The following TEAD2 variants were observed in gnomAD, a reference collection of about 807,000 sequenced individuals.
TEAD2 encodes the protein transcriptional enhancer factor TEF-4.
In TEAD2, 51 loss-of-function variants were observed where a neutral mutation model predicts 61.4. The observed-to-expected ratio is 0.83, with a 90% CI of 0.66 to 1.05. TEAD2 has a LOEUF of 1.05. Among genes scored for constraint, TEAD2 ranks in the 50% least tolerant of loss-of-function variants. The probability of loss-of-function intolerance (pLI) is 0.00; values close to 1 mark genes in which losing one functional copy is unlikely to be tolerated. For synonymous variants in TEAD2, 244 were observed against 243.2 expected (o/e 1.00, Z -0.03); for missense variants, 509 against 600.0 (o/e 0.85, Z 1.58).
intron 5 of TEAD2, 34 bp downstream of exon 5, chr19:49,355,925 G>C: frequency 3.9e-6 from 5 of 1,268,802 alleles, no homozygotes; most frequent in Non-Finnish European, 5.0e-6. Flanking sequence ...AGTTTGGAGT[G>C]AGCGTGGGTG....
At chr19:49,344,330 C>T (rs972906275) in intron 10 of TEAD2, among the ~76,000 whole-genome samples, 6 of 151,520 alleles carry the variant, frequency 4.0e-5, no homozygotes, top group African/African-American at 1.5e-4. Flanking sequence ...TCTTGTTGCC[C>T]AGTGCAATGC....
At chr19:49,345,724 C>G (rs1007279952) in intron 10 of TEAD2, among the ~76,000 whole-genome samples, 1 of 152,134 alleles carries the variant, frequency 6.6e-6, no homozygotes, top group Non-Finnish European at 1.5e-5. Flanking sequence ...CCCTAAACAT[C>G]CAGGCAACAT....
At chr19:49,360,517 T>C (rs1972771789) in intron 1 of TEAD2, 1 of 185,260 alleles carries the variant, frequency 5.4e-6, no homozygotes. Context: ...GAAGTCACAA[T>C]GATTACCCTA....
intron 10 of TEAD2, among the ~76,000 whole-genome samples, chr19:49,343,608 G>A (rs1433651389): frequency 6.6e-6 from 1 of 152,036 alleles, no homozygotes; most frequent in African/African-American, 2.4e-5. Context: ...GCGTGGTGGT[G>A]CATGCTTGTA....
intron 7 of TEAD2, 127 bp downstream of exon 7, chr19:49,355,021 G>GCATA (rs113350132): frequency 0.024 from 15,045 of 630,382 alleles, 1,237 homozygotes; most frequent in African/African-American, 0.21. Flanking sequence ...ATACATACAT[G>GCATA]CATACATACA....
At chr19:49,347,131 G>A in intron 10 of TEAD2, 59 bp downstream of exon 10, 1 of 1,590,562 alleles carries the variant, frequency 6.3e-7, no homozygotes, top group Non-Finnish European at 8.6e-7. Flanking sequence ...AGGGCCAGAG[G>A]CCTTTGCTGG....
chr19:49,349,462 CAA>C (rs754141778), intron 8 of TEAD2, among the ~76,000 whole-genome samples: 19 of 97,390 alleles, frequency 2.0e-4, no homozygotes, highest in Non-Finnish European at 1.5e-4. Context: ...GACTCTGTCT[CAA>C]AAAAAAAAAA....
intron 7 of TEAD2, 41 bp downstream of exon 7, chr19:49,355,107 G>A (rs775609539): frequency 1.9e-6 from 3 of 1,553,348 alleles, no homozygotes; most frequent in Non-Finnish European, 2.6e-6. Context: ...GGGAGTGTGA[G>A]GGTGGGGGGC....
intron 10 of TEAD2, among the ~76,000 whole-genome samples, chr19:49,346,786 C>T (rs979823533): frequency 1.3e-5 from 2 of 152,216 alleles, no homozygotes; most frequent in African/African-American, 2.4e-5. Flanking sequence ...AAGCATCAGT[C>T]CCCTCTTTAG....
At chr19:49,352,644 C>T (rs1378232343) in intron 7 of TEAD2, among the ~76,000 whole-genome samples, 1 of 152,172 alleles carries the variant, frequency 6.6e-6, no homozygotes, top group African/African-American at 2.4e-5. Flanking sequence ...TCAAGCGATT[C>T]TCCTGCCTCA....
intron 8 of TEAD2, chr19:49,349,158 A>C: frequency 4.6e-6 from 1 of 219,458 alleles, no homozygotes; most frequent in East Asian, 1.1e-4. Context: ...TCCCCTCCAA[A>C]TCTCATGTTG....
intron 5 of TEAD2, 116 bp from the exon 6 acceptor site, chr19:49,355,535 A>C (rs977097026): frequency 1.3e-5 from 11 of 842,732 alleles, no homozygotes; most frequent in African/African-American, 3.4e-5. Context: ...AGTCAAGGCA[A>C]AGGGTTAGTG....
chr19:49,362,101 C>T (rs1184175363), intron 1 of TEAD2, among the ~76,000 whole-genome samples: 1 of 152,184 alleles, frequency 6.6e-6, no homozygotes, highest in Non-Finnish European at 1.5e-5. Flanking sequence ...AGACGCACGC[C>T]CCACACCCCG....
rs574618980 is a variant in TEAD2, at chr19:49,347,374, T to G, written c.748-11A>C. ...CAGGTGCCTCTGGTACTGAGGAGGG[T>G]TGGCCGTGGGTGAGAAGTCGGAGGT... On this transcript the variant is annotated splice_polypyrimidine_tract_variant and intron_variant, in intron 9 of 12. Transcript: ENST00000593945. 1.9e-6 allele frequency: 3 copies of G among 1,602,020 alleles called. No individual in the cohort carries two copies. In the African/African-American group the frequency reaches 4.0e-5, roughly 21 times the overall value.
At chr19:49,354,783 A>G (rs1972264093) in intron 7 of TEAD2, among the ~76,000 whole-genome samples, 1 of 152,038 alleles carries the variant, frequency 6.6e-6, no homozygotes, top group South Asian at 2.1e-4. Context: ...GTGGATCACG[A>G]GGTCAGGAGT....
At chr19:49,360,562 G>A (rs1972777277) in intron 1 of TEAD2, 1 of 158,292 alleles carries the variant, frequency 6.3e-6, no homozygotes, top group Non-Finnish European at 1.4e-5. Flanking sequence ...CTAAAGGTTC[G>A]GGTATGAATT....
At chr19:49,354,045 G>GC (rs1568573292) in intron 7 of TEAD2, among the ~76,000 whole-genome samples, 3 of 148,788 alleles carry the variant, frequency 2.0e-5, no homozygotes, top group African/African-American at 7.5e-5. Flanking sequence ...TGATCCACCC[G>GC]CCTCAGCCTC....
rs1450303504 is a variant in TEAD2, at chr19:49,359,331, G to A, written c.297+104C>T. 6.3e-6 allele frequency: 6 copies of A among 959,964 alleles called. No homozygotes were observed. The highest frequency in any genetic ancestry group is 2.7e-5 in the South Asian group (2 of 73,720). The allele number at this position is 959,964 out of a possible 1,614,324, so 59.5% of individuals were successfully genotyped here. On this transcript the variant is annotated intron_variant, in intron 3 of 12. Transcript: ENST00000593945. This position sits in a 1 kb window ranked among gnomAD's most constrained non-coding sequence, Gnocchi z 4.1. ...ACACATGCCGAGAAGACAGATGAAC[G>A]CACAGGAAGCAGCTTCTTCCTTGAA...
At chr19:49,352,196 A>G (rs1269389463) in intron 7 of TEAD2, among the ~76,000 whole-genome samples, 1 of 152,178 alleles carries the variant, frequency 6.6e-6, no homozygotes, top group Non-Finnish European at 1.5e-5. Context: ...GAAATGTTCT[A>G]TTGGATGGAA....
Sources: allele counts gnomAD v4.1 joint callset (sites outside exome capture counted in the v4.1 genomes callset), GRCh38; gene constraint gnomAD v4.1.1; non-coding constraint Gnocchi (gnomAD v3.1); transcripts MANE v1.5; gene names NCBI Gene and HGNC (gene_info 2026-07-23, HGNC 2026-07-21).